QTGAL: variants seen among roughly 807,000 people sequenced by gnomAD.
The protein encoded by QTGAL is BGnT-like protein 1.
the QTGAL span, among the ~76,000 whole-genome samples, chr17:82,985,959 G>C: frequency 2.0e-5 from 3 of 152,206 alleles, no homozygotes; most frequent in Non-Finnish European, 4.4e-5. Flanking sequence ...ACCCAGGAGG[G>C]CTCCTCAGGA....
the QTGAL span, among the ~76,000 whole-genome samples, chr17:82,974,646 T>C: frequency 6.6e-6 from 1 of 152,140 alleles, no homozygotes; most frequent in African/African-American, 2.4e-5. Context: ...ACCCAGGGTC[T>C]AATCAGCACA....
At chr17:83,020,628 C>T in the QTGAL span, among the ~76,000 whole-genome samples, 4 of 152,178 alleles carry the variant, frequency 2.6e-5, no homozygotes, top group African/African-American at 9.7e-5. Context: ...GCCCACCTGC[C>T]CATCGGGAGA....
At chr17:82,971,641 TGCCG>T in the QTGAL span, among the ~76,000 whole-genome samples, 9 of 128,914 alleles carry the variant, frequency 7.0e-5, no homozygotes, top group African/African-American at 1.8e-4. Flanking sequence ...AAGGACCTGG[TGCCG>T]ACCACACCAC....
At chr17:83,007,060 G>T in the QTGAL span, 1 of 425,936 alleles carries the variant, frequency 2.3e-6, no homozygotes, top group Non-Finnish European at 3.1e-6. Context: ...CTGGCGAGGA[G>T]CATCTTTTCG....
At chr17:82,977,305 C>T in the QTGAL span, among the ~76,000 whole-genome samples, 528 of 152,248 alleles carry the variant, frequency 3.5e-3, 1 homozygote, top group Non-Finnish European at 5.8e-3. Context: ...GCATCCGTGA[C>T]TTTAAAACGG....
the QTGAL span, among the ~76,000 whole-genome samples, chr17:83,032,811 T>A: frequency 6.6e-6 from 1 of 152,210 alleles, no homozygotes; most frequent in Non-Finnish European, 1.5e-5. Context: ...ACAGGAGTCA[T>A]AGCAGCTGGT....
the QTGAL span, among the ~76,000 whole-genome samples, chr17:82,997,502 G>A: frequency 1.3e-5 from 2 of 152,100 alleles, no homozygotes; most frequent in Non-Finnish European, 2.9e-5. Context: ...TAAAAATAGA[G>A]CCACTGTATG....
the QTGAL span, among the ~76,000 whole-genome samples, chr17:82,990,447 G>A: frequency 6.6e-5 from 10 of 152,366 alleles, no homozygotes; most frequent in Admixed American, 1.3e-4. Context: ...ATTTTTAAAC[G>A]GAAGTTTCTG....
chr17:82,987,861 C>T, the QTGAL span, among the ~76,000 whole-genome samples: 1 of 152,086 alleles, frequency 6.6e-6, no homozygotes, highest in African/African-American at 2.4e-5. Context: ...TTACTTTGGG[C>T]AGTATGGCCA....
chr17:83,034,409 G>C, the QTGAL span, among the ~76,000 whole-genome samples: 1 of 152,226 alleles, frequency 6.6e-6, no homozygotes, highest in Non-Finnish European at 1.5e-5. Flanking sequence ...CTCATTAAGT[G>C]CTACAGCAAT....
chr17:83,001,983 A>T, the QTGAL span, among the ~76,000 whole-genome samples: 2 of 151,808 alleles, frequency 1.3e-5, no homozygotes, highest in Non-Finnish European at 2.9e-5. Flanking sequence ...ACTGGTCTTA[A>T]ATCCCCAGGC....
At chr17:82,961,033 CG>C in the QTGAL span, 1 of 1,597,334 alleles carries the variant, frequency 6.3e-7, no homozygotes, top group Non-Finnish European at 8.5e-7. Context: ...TCAGGCGTCC[CG>C]GGGCCGGGCG....
the QTGAL span, among the ~76,000 whole-genome samples, chr17:83,026,678 G>C: frequency 4.2e-5 from 4 of 95,730 alleles, no homozygotes; most frequent in African/African-American, 4.6e-5. Context: ...AGAGCAGGGC[G>C]GGGAGCCTGC....
At chr17:82,957,525 C>T in the QTGAL span, 62 of 1,577,754 alleles carry the variant, frequency 3.9e-5, no homozygotes, top group Admixed American at 2.0e-4. Context: ...ATAGGCAGGC[C>T]GGAGGCCCCA....
the QTGAL span, among the ~76,000 whole-genome samples, chr17:82,993,644 T>TA: frequency 1.3e-5 from 2 of 152,190 alleles, no homozygotes; most frequent in South Asian, 4.2e-4. Context: ...ACCTAATAGA[T>TA]ATTTACAAAA....
chr17:83,023,415 A>G, the QTGAL span, among the ~76,000 whole-genome samples: 1 of 149,192 alleles, frequency 6.7e-6, no homozygotes, highest in Admixed American at 6.7e-5. Context: ...GCTGTTTTCT[A>G]AAGTTGCAGC....
the QTGAL span, chr17:82,946,999 G>C: frequency 6.4e-7 from 1 of 1,554,180 alleles, no homozygotes; most frequent in Non-Finnish European, 8.7e-7. Context: ...AGGAGCAGCA[G>C]ATTCAGCTCA....
the QTGAL span, among the ~76,000 whole-genome samples, chr17:82,969,204 G>A: frequency 6.6e-6 from 1 of 151,718 alleles, no homozygotes; most frequent in African/African-American, 2.4e-5. Flanking sequence ...CTGTCGCCCA[G>A]GCTGGAGTGC....
At chr17:83,048,271 G>A in the QTGAL span, among the ~76,000 whole-genome samples, 4 of 152,132 alleles carry the variant, frequency 2.6e-5, no homozygotes, top group South Asian at 2.1e-4. Flanking sequence ...CAAAGGATCC[G>A]CCTGCCTTGG....
Sources: allele counts gnomAD v4.1 joint callset (sites outside exome capture counted in the v4.1 genomes callset), GRCh38; gene constraint gnomAD v4.1.1; transcripts MANE v1.5; gene names NCBI Gene and HGNC (gene_info 2026-07-23, HGNC 2026-07-21).